SLF1: variants seen among roughly 807,000 people sequenced by gnomAD.
The protein encoded by SLF1 is SMC5-SMC6 complex localization factor protein 1.
In SLF1, 105 loss-of-function variants were observed where a neutral mutation model predicts 123.0. The ratio of observed to expected loss-of-function variants is 0.85; its 90% CI spans 0.73 to 1.00. SLF1 has a LOEUF of 1.00. Among genes scored for constraint, SLF1 ranks in the 50% least tolerant of loss-of-function variants. The pLI is 0.00. For synonymous variants in SLF1, 434 were observed against 406.6 expected, an observed-to-expected ratio of 1.07 and a Z score of -0.81; for missense variants, 1,239 against 1,223.0, an observed-to-expected ratio of 1.01 and a Z score of -0.20.
intron 4 of SLF1, among the ~76,000 whole-genome samples, chr5:94,631,376 T>C (rs1470783239): frequency 1.3e-5 from 2 of 152,218 alleles, no homozygotes; most frequent in Non-Finnish European, 2.9e-5. Context: ...ACATGTACAT[T>C]ATCCTATAAT....
chr5:94,686,563 T>G lies in SLF1; in HGVS notation c.1976-10T>G. On this transcript the variant is annotated splice_polypyrimidine_tract_variant and intron_variant, in intron 15 of 20. Transcript: ENST00000265140. ...GCAATAACTATATTAACTTACCTTATGTTCTCCAGACTTTTCTTCACAGGA... is the reference window on the plus strand; with the variant it reads ...GCAATAACTATATTAACTTACCTTAGGTTCTCCAGACTTTTCTTCACAGGA... The G allele has an allele frequency of 6.2e-7, 1 of 1,613,130 alleles. No individual in the cohort carries two copies. The highest frequency in any genetic ancestry group is 8.5e-7 in the Non-Finnish European group (1 of 1,179,296).
chr5:94,665,994 G>A lies in SLF1; in HGVS notation c.1502G>A (p.Gly501Glu), dbSNP rs926455341. Residue 501 changes from glycine (G) to glutamate (E), a missense_variant, in exon 12 of 21, where the codon GGA becomes GAA. Physicochemically the swap from Gly to Glu is moderately conservative, Grantham distance 98 (BLOSUM62 -2). Coordinates refer to ENST00000265140, the MANE Select transcript of SLF1 (RefSeq NM_032290.4). Reference protein sequence around the residue: ...ELFQCPTCMKGAWSLVEVLIR... With the variant: ...ELFQCPTCMKEAWSLVEVLIR... ...TTTCAGTGTCCAACTTGTATGAAAG[G>A]AGCATGGTCTTTAGTAGAAGTCCTT... 4 of 1,550,866 alleles carry A rather than the reference G, an allele frequency of 2.6e-6. No individual in the cohort carries two copies. The African/African-American group carries it at 5.5e-5, about 21-fold the overall frequency.
At chr5:94,678,362 C>T (rs1751337442) in intron 14 of SLF1, 1 of 152,504 alleles carries the variant, frequency 6.6e-6, no homozygotes, top group Non-Finnish European at 1.5e-5. Context: ...CATTGGGTTT[C>T]TCAAGTCTTT....
intron 9 of SLF1, among the ~76,000 whole-genome samples, chr5:94,658,164 T>TG (rs1656691775): frequency 6.7e-6 from 1 of 148,990 alleles, no homozygotes; most frequent in African/African-American, 2.4e-5. Flanking sequence ...TGTTTTTTGT[T>TG]TTTTTTTTTT....
chr5:94,619,983 A>G (rs964233260), intron 1 of SLF1: 5 of 152,090 alleles, frequency 3.3e-5, no homozygotes, highest in African/African-American at 1.2e-4. Context: ...GGTTCAAGCA[A>G]TTCTCCTATC....
intron 11 of SLF1, among the ~76,000 whole-genome samples, 163 bp downstream of exon 11, chr5:94,664,071 A>C (rs1045043657): frequency 4.0e-5 from 6 of 151,736 alleles, no homozygotes; most frequent in African/African-American, 1.2e-4. Flanking sequence ...TCTGTTTTCC[A>C]GCTACATACT....
intron 4 of SLF1, among the ~76,000 whole-genome samples, chr5:94,633,115 G>A (rs1472692785): frequency 6.6e-6 from 1 of 152,096 alleles, no homozygotes; most frequent in Non-Finnish European, 1.5e-5. Flanking sequence ...AGCCTCCCGA[G>A]TAGCTGGGAC....
At chr5:94,650,169 A>T (rs1263748419) in intron 6 of SLF1, among the ~76,000 whole-genome samples, 1 of 152,174 alleles carries the variant, frequency 6.6e-6, no homozygotes, top group Non-Finnish European at 1.5e-5. Context: ...AGAAGAGCTA[A>T]TGTTCAGTTA....
At chr5:94,652,901 A>G (rs1747911630) in intron 7 of SLF1, among the ~76,000 whole-genome samples, 1 of 152,224 alleles carries the variant, frequency 6.6e-6, no homozygotes, top group Admixed American at 6.5e-5. Flanking sequence ...CTAGTTGCTC[A>G]GGCTGGAGTG....
intron 15 of SLF1, among the ~76,000 whole-genome samples, chr5:94,679,406 C>T (rs1414585642): frequency 6.6e-6 from 1 of 151,664 alleles, no homozygotes; most frequent in Non-Finnish European, 1.5e-5. Flanking sequence ...CCAGCATGTG[C>T]AACATAGCAA....
At chr5:94,687,616 C>T (rs1481545642) in intron 16 of SLF1, among the ~76,000 whole-genome samples, 1 of 152,030 alleles carries the variant, frequency 6.6e-6, no homozygotes, top group African/African-American at 2.4e-5. Flanking sequence ...GATCCTTAAT[C>T]CCAGGAGGTC....
At chr5:94,621,493 TCTTC>T (rs1397817597) in intron 1 of SLF1, among the ~76,000 whole-genome samples, 1 of 152,188 alleles carries the variant, frequency 6.6e-6, no homozygotes, top group South Asian at 2.1e-4. Context: ...AGACGTATGG[TCTTC>T]CTTCTAAGTA....
chr5:94,630,770 A>G (rs917628557), intron 4 of SLF1, 27 bp downstream of exon 4: 18 of 1,523,690 alleles, frequency 1.2e-5, no homozygotes, highest in Non-Finnish European at 1.5e-5. Flanking sequence ...TAAAAGCTAA[A>G]GCAATTAATG....
rs377557113 is a variant in SLF1, at chr5:94,680,438, CA to C, written c.1975+1484del. On this transcript the variant is annotated intron_variant, in intron 15 of 20. Coordinates refer to ENST00000265140, the MANE Select transcript of SLF1 (RefSeq NM_032290.4). The stretch of plus-strand genomic sequence containing the variant: ...ACCCTTTCTTATATTTCTTTCCCAC[CA>C]TTCCTACTAGGTAGTTTAGTGGTTT... Among the ~76,000 whole-genome samples the C allele has an allele frequency of 3.1e-3, 471 of 152,234 alleles. 2 individuals carry two copies. The highest frequency in any genetic ancestry group is 0.011 in the African/African-American group (450 of 41,534).
At chr5:94,678,630 G>C (rs550489384) in intron 14 of SLF1, 178 bp from the exon 15 acceptor site, 1 of 505,978 alleles carries the variant, frequency 2.0e-6, no homozygotes, top group South Asian at 4.1e-5. Flanking sequence ...TGTGGAGAGA[G>C]AGAGAGATGG....
At chr5:94,691,715 T>A in intron 19 of SLF1, 59 bp downstream of exon 19, 1 of 1,272,714 alleles carries the variant, frequency 7.9e-7, no homozygotes. Flanking sequence ...TATTAAACAG[T>A]TTTATATCAC....
chr5:94,678,934 T>G lies in SLF1; in HGVS notation c.1954T>G (p.Tyr652Asp). The change falls in exon 15 of 21, where the codon TAT (tyrosine) becomes GAT (aspartate). Residue 652 changes from tyrosine to aspartate, a missense_variant. Transcript: ENST00000265140. ...MRHMSDDLGS[Y>D]VSLSCDDFSS... ...ACACATGTCTGATGACTTAGGAAGT[T>G]ATGTTTCTCTTTCGTGTGATGGTAA... The G allele has an allele frequency of 6.2e-7, 1 of 1,613,274 alleles. No homozygotes were observed. The highest frequency in any genetic ancestry group is 8.5e-7 in the Non-Finnish European group (1 of 1,179,634).
At position 94,670,758 on chromosome 5, in the gene SLF1, G is replaced by A. The variant is rs1014578920; in HGVS notation, c.1662-85G>A. On this transcript the variant is annotated intron_variant, in intron 13 of 20. Transcript: ENST00000265140. ...TATGATCTATGTTCAAAAATTGCTA[G>A]CATTTTTTTTGACAGGAGAGATGTC... 37 of 960,656 alleles carry A rather than the reference G, an allele frequency of 3.9e-5. No homozygotes were observed. In the African/African-American group the frequency reaches 5.3e-4, roughly 14 times the overall value. The allele number at this position is 960,656 out of a possible 1,614,324, so 59.5% of individuals were successfully genotyped here. A position where few individuals can be genotyped will look rare whatever the true frequency, so the allele number is the denominator to read the frequency against.
chr5:94,692,063 T>C lies in SLF1; in HGVS notation c.2513-11T>C, dbSNP rs1340905734. 6.2e-7 allele frequency: 1 copy of C among 1,611,762 alleles called. No individual in the cohort carries two copies. Among genetic ancestry groups the C allele is most frequent in the Non-Finnish European group, 8.5e-7 (1 of 1,178,770 alleles). ...CTGCTGTTTTAAAACTTGCCTTGATTTCTAATTTAGACAATGCTGGCTGGA... is the reference window on the plus strand; with the variant it reads ...CTGCTGTTTTAAAACTTGCCTTGATCTCTAATTTAGACAATGCTGGCTGGA... On this transcript the variant is annotated splice_polypyrimidine_tract_variant and intron_variant, in intron 19 of 20. Transcript: ENST00000265140.
Sources: allele counts gnomAD v4.1 joint callset (sites outside exome capture counted in the v4.1 genomes callset), GRCh38; gene constraint gnomAD v4.1.1; transcripts MANE v1.5; gene names NCBI Gene and HGNC (gene_info 2026-07-23, HGNC 2026-07-21).